Variants in QTGAL observed in about 807,000 individuals in gnomAD.
The protein encoded by QTGAL is BGnT-like protein 1.
chr17:83,012,528 C>T, the QTGAL span, among the ~76,000 whole-genome samples: 22 of 152,334 alleles, frequency 1.4e-4, no homozygotes, highest in Non-Finnish European at 1.8e-4. Context: ...CACATACGGA[C>T]GGCTCAGTCC....
chr17:82,968,499 A>G, the QTGAL span, among the ~76,000 whole-genome samples: 3 of 152,182 alleles, frequency 2.0e-5, no homozygotes, highest in Non-Finnish European at 2.9e-5. Flanking sequence ...AGCAACAGGG[A>G]AGGGAGGCCA....
chr17:82,998,685 A>G, the QTGAL span, among the ~76,000 whole-genome samples: 1 of 152,212 alleles, frequency 6.6e-6, no homozygotes, highest in African/African-American at 2.4e-5. Flanking sequence ...CATTGTTAAA[A>G]GAATGAAAAG....
the QTGAL span, among the ~76,000 whole-genome samples, chr17:82,994,509 A>G: frequency 6.6e-6 from 1 of 152,200 alleles, no homozygotes; most frequent in Non-Finnish European, 1.5e-5. Flanking sequence ...GAAAAAATCC[A>G]AAACCTAAAT....
the QTGAL span, among the ~76,000 whole-genome samples, chr17:83,025,652 TCCACACACGGACACCGC>T: frequency 1.5e-5 from 2 of 132,812 alleles, no homozygotes; most frequent in East Asian, 2.2e-4. Flanking sequence ...CCGCGGAGAG[TCCACACACGGACACCGC>T]GGAGAGTCCA....
the QTGAL span, among the ~76,000 whole-genome samples, chr17:83,043,783 G>C: frequency 0.12 from 18,663 of 151,956 alleles, 1,279 homozygotes; most frequent in African/African-American, 0.19. Flanking sequence ...AGGAAAGACA[G>C]CTCAAAATGC....
At chr17:82,948,089 G>A in the QTGAL span, 1 of 152,218 alleles carries the variant, frequency 6.6e-6, no homozygotes, top group Non-Finnish European at 1.5e-5. Flanking sequence ...AGGTGTAGGG[G>A]ACTCCTACAG....
the QTGAL span, among the ~76,000 whole-genome samples, chr17:83,021,557 G>A: frequency 6.6e-6 from 1 of 152,094 alleles, no homozygotes; most frequent in Admixed American, 6.6e-5. Flanking sequence ...CTATGTTTAC[G>A]GATTAGAAGA....
At chr17:83,010,050 C>CT in the QTGAL span, among the ~76,000 whole-genome samples, 1 of 30,092 alleles carries the variant, frequency 3.3e-5, no homozygotes, top group Non-Finnish European at 6.0e-5. Context: ...CGGCGGGGGG[C>CT]TGGGGGGGCT....
At chr17:82,964,083 G>A in the QTGAL span, among the ~76,000 whole-genome samples, 3 of 151,024 alleles carry the variant, frequency 2.0e-5, no homozygotes, top group Admixed American at 6.6e-5. Flanking sequence ...GCAACATGTC[G>A]AAACCAGTCT....
At chr17:83,002,698 G>A in the QTGAL span, among the ~76,000 whole-genome samples, 1 of 152,180 alleles carries the variant, frequency 6.6e-6, no homozygotes, top group African/African-American at 2.4e-5. Flanking sequence ...GGGCGGCCCC[G>A]TGTCCAGTCT....
chr17:82,980,935 C>T, the QTGAL span: 1 of 152,176 alleles, frequency 6.6e-6, no homozygotes, highest in African/African-American at 2.4e-5. Flanking sequence ...ACCAGCCCCC[C>T]TCATCCTGCG....
chr17:82,985,991 G>A, the QTGAL span, among the ~76,000 whole-genome samples: 1 of 152,228 alleles, frequency 6.6e-6, no homozygotes. Context: ...TGTTCTCTGT[G>A]CACTCCAAGT....
chr17:82,949,570 G>C, the QTGAL span: 2 of 152,182 alleles, frequency 1.3e-5, no homozygotes, highest in Non-Finnish European at 2.9e-5. Context: ...AAAGGATGGA[G>C]CAGAACACGC....
the QTGAL span, among the ~76,000 whole-genome samples, chr17:82,975,060 C>T: frequency 3.2e-5 from 3 of 93,700 alleles, no homozygotes; most frequent in South Asian, 6.1e-4. Context: ...GGACAGAGCC[C>T]GACTCCATCC....
At chr17:83,037,724 G>A in the QTGAL span, among the ~76,000 whole-genome samples, 2 of 152,212 alleles carry the variant, frequency 1.3e-5, no homozygotes, top group African/African-American at 2.4e-5. This position sits in a 1 kb window ranked among gnomAD's most constrained non-coding sequence, Gnocchi z 5.2. Flanking sequence ...CTCACAATGC[G>A]GCTTGTTAGC....
At chr17:82,956,073 G>C in the QTGAL span, among the ~76,000 whole-genome samples, 1 of 152,010 alleles carries the variant, frequency 6.6e-6, no homozygotes, top group African/African-American at 2.4e-5. The surrounding 1 kb of genome is among the most constrained non-coding windows in gnomAD (Gnocchi z 5.7). Flanking sequence ...CTACATGGCG[G>C]GTTGATAGGT....
chr17:82,961,958 G>A, the QTGAL span, among the ~76,000 whole-genome samples: 3 of 142,330 alleles, frequency 2.1e-5, no homozygotes, highest in Admixed American at 7.0e-5. Context: ...GGCCCCTGTC[G>A]CTTTCTTAAA....
At chr17:83,026,458 C>T in the QTGAL span, among the ~76,000 whole-genome samples, 7 of 152,388 alleles carry the variant, frequency 4.6e-5, no homozygotes, top group Admixed American at 1.3e-4. Flanking sequence ...CCAAACAAAC[C>T]GCAGAGGACA....
At chr17:83,003,190 C>T in the QTGAL span, among the ~76,000 whole-genome samples, 1 of 35,438 alleles carries the variant, frequency 2.8e-5, no homozygotes, top group Non-Finnish European at 5.2e-5. Flanking sequence ...GCCCGCCCTC[C>T]GCGTGTGGGA....
Sources: gnomAD v4.1 joint callset for allele counts (sites outside exome capture counted in the v4.1 genomes callset) on GRCh38, gnomAD v4.1.1 for gene constraint, Gnocchi (gnomAD v3.1) non-coding constraint, MANE v1.5 for transcripts, NCBI Gene and HGNC (gene_info 2026-07-23, HGNC 2026-07-21) for gene names.